CEP112: variants seen among roughly 807,000 people sequenced by gnomAD.
The protein encoded by CEP112 is centrosomal protein of 112 kDa.
In CEP112, 127 loss-of-function variants were observed where a neutral mutation model predicts 153.0. The observed-to-expected ratio is 0.83, with a 90% CI of 0.72 to 0.96. The LOEUF (loss-of-function observed/expected upper bound fraction) is 0.96. Ranked by LOEUF, CEP112 falls within the 40% of genes least tolerant of loss-of-function variation. CEP112 has a pLI of 0.00. For missense variants in CEP112, 1,089 were observed against 1,101.2 expected (o/e 0.99, Z 0.16); for synonymous variants, 358 against 374.4 (o/e 0.96, Z 0.51).
At chr17:66,023,195 C>T (rs1273270148) in intron 16 of CEP112, among the ~76,000 whole-genome samples, 1 of 151,968 alleles carries the variant, frequency 6.6e-6, no homozygotes, top group Non-Finnish European at 1.5e-5. Flanking sequence ...TTTAAACATC[C>T]ACATACAAGA....
chr17:66,035,004 A>ATTT (rs2054018185), intron 12 of CEP112, among the ~76,000 whole-genome samples: 4 of 103,408 alleles, frequency 3.9e-5, no homozygotes, highest in East Asian at 5.4e-4. Flanking sequence ...ATATATATAT[A>ATTT]TATATTTTTT....
At chr17:65,976,981 G>A (rs1964281) in intron 17 of CEP112, among the ~76,000 whole-genome samples, 79,133 of 151,926 alleles carry the variant, frequency 0.52, 21,617 homozygotes, top group African/African-American at 0.6. Flanking sequence ...CAGGTGATCC[G>A]CCCGCCTAGG....
At chr17:65,917,256 G>C (rs956513264) in intron 19 of CEP112, among the ~76,000 whole-genome samples, 3 of 152,120 alleles carry the variant, frequency 2.0e-5, no homozygotes, top group Non-Finnish European at 4.4e-5. Context: ...TGTAGCTGGG[G>C]TTCAAAAATG....
intron 17 of CEP112, among the ~76,000 whole-genome samples, chr17:65,997,644 T>C (rs2063838126): frequency 6.6e-6 from 1 of 152,212 alleles, no homozygotes; most frequent in African/African-American, 2.4e-5. Context: ...CTACTATTAA[T>C]GTTTTATTAT....
chr17:66,041,506 C>T (rs12601355), intron 12 of CEP112, among the ~76,000 whole-genome samples: 1 of 151,884 alleles, frequency 6.6e-6, no homozygotes, highest in Non-Finnish European at 1.5e-5. Flanking sequence ...ACTGTATACA[C>T]AGGCTAGTAT....
intron 6 of CEP112, among the ~76,000 whole-genome samples, chr17:66,096,941 C>A (rs2068371881): frequency 1.3e-5 from 2 of 152,130 alleles, no homozygotes; most frequent in African/African-American, 2.4e-5. Context: ...ATTTATATTA[C>A]CAGAACATGG....
intron 20 of CEP112, among the ~76,000 whole-genome samples, chr17:65,878,827 C>T (rs1413926790): frequency 2.0e-5 from 3 of 147,586 alleles, no homozygotes; most frequent in Admixed American, 6.8e-5. Flanking sequence ...ACAGAAGGCT[C>T]TTCCCTAAAA....
At chr17:65,814,839 A>G (rs979119321) in intron 21 of CEP112, among the ~76,000 whole-genome samples, 7 of 152,210 alleles carry the variant, frequency 4.6e-5, no homozygotes, top group African/African-American at 1.7e-4. Context: ...ACCACAGTCT[A>G]TCTTCTGTGG....
chr17:65,891,738 C>A (rs1256409907), intron 20 of CEP112, among the ~76,000 whole-genome samples: 1 of 152,224 alleles, frequency 6.6e-6, no homozygotes, highest in African/African-American at 2.4e-5. Context: ...GTGTCTGCTA[C>A]TCCCTGCCCC....
chr17:65,916,287 G>GTGTGTGTGTGTGTGTGTA (rs138734881), intron 19 of CEP112, among the ~76,000 whole-genome samples: 188 of 147,548 alleles, frequency 1.3e-3, no homozygotes, highest in South Asian at 3.5e-3. Flanking sequence ...GTGTGTGTGT[G>GTGTGTGTGTGTGTGTGTA]TGTGTATGTG....
intron 21 of CEP112, among the ~76,000 whole-genome samples, chr17:65,835,429 CA>C (rs1284366592): frequency 5.3e-5 from 8 of 152,038 alleles, no homozygotes; most frequent in Admixed American, 5.2e-4. Flanking sequence ...AAATGAAAGA[CA>C]AAAAAAGAAT....
At chr17:65,985,840 G>C (rs551617772) in intron 17 of CEP112, among the ~76,000 whole-genome samples, 1 of 82,848 alleles carries the variant, frequency 1.2e-5, no homozygotes, top group Admixed American at 1.8e-4. Flanking sequence ...CTGAGATCAA[G>C]GGCTTTTGTT....
At chr17:65,853,715 G>A (rs868490106) in intron 20 of CEP112, among the ~76,000 whole-genome samples, 147 of 139,162 alleles carry the variant, frequency 1.1e-3, no homozygotes, top group African/African-American at 3.7e-3. Flanking sequence ...GCAACAGAGC[G>A]AGACTCCATC....
intron 20 of CEP112, among the ~76,000 whole-genome samples, chr17:65,899,696 G>GC (rs75019784): frequency 0.36 from 54,371 of 151,826 alleles, 11,164 homozygotes; most frequent in Middle Eastern, 0.48. Context: ...TGGAAGGGAA[G>GC]AGCAAACAAA....
intron 21 of CEP112, among the ~76,000 whole-genome samples, chr17:65,850,067 T>C (rs942254968): frequency 1.3e-5 from 2 of 148,210 alleles, no homozygotes; most frequent in Non-Finnish European, 3.0e-5. Context: ...GGCAGGAGAG[T>C]TGCTTGAACC....
At chr17:65,722,199 GT>G (rs1049570318) in intron 23 of CEP112, among the ~76,000 whole-genome samples, 14 of 152,012 alleles carry the variant, frequency 9.2e-5, no homozygotes, top group African/African-American at 3.4e-4. Context: ...CATTTTTGAA[GT>G]GGGGGATGAG....
At chr17:66,153,936 G>A (rs1204499618) in intron 4 of CEP112, among the ~76,000 whole-genome samples, 2 of 151,832 alleles carry the variant, frequency 1.3e-5, no homozygotes, top group Non-Finnish European at 2.9e-5. Context: ...GCAGAGGTGG[G>A]TGGACTGCTT....
intron 21 of CEP112, among the ~76,000 whole-genome samples, chr17:65,805,202 T>C (rs540318130): frequency 1.3e-5 from 2 of 152,252 alleles, no homozygotes; most frequent in South Asian, 2.1e-4. Context: ...ATTAACATCA[T>C]CATTTTCATG....
intron 4 of CEP112, among the ~76,000 whole-genome samples, chr17:66,161,076 G>A (rs1050100024): frequency 1.3e-5 from 2 of 151,602 alleles, no homozygotes; most frequent in African/African-American, 2.4e-5. Flanking sequence ...ACAAACATAC[G>A]AAAAAAAGCT....
Sources: allele counts gnomAD v4.1 joint callset (sites outside exome capture counted in the v4.1 genomes callset), GRCh38; gene constraint gnomAD v4.1.1; transcripts MANE v1.5; gene names NCBI Gene and HGNC (gene_info 2026-07-23, HGNC 2026-07-21).